Variants in VPS13B observed in about 807,000 individuals in gnomAD.
VPS13B encodes vacuolar protein sorting 13 homolog B.
Under a neutral mutation model 426.4 loss-of-function variants are expected in VPS13B, and 285 were observed. The observed-to-expected ratio is 0.67, with a 90% CI of 0.61 to 0.74. VPS13B has a LOEUF of 0.74. Ranked by LOEUF, VPS13B falls within the 30% of genes least tolerant of loss-of-function variation. The pLI, the probability that VPS13B is intolerant of heterozygous loss-of-function variation, is 0.00. For synonymous variants in VPS13B, 1,676 were observed against 1,676.4 expected (o/e 1.00, Z 0.01); for missense variants, 4,537 against 4,782.6 (o/e 0.95, Z 1.51).
intron 21 of VPS13B, among the ~76,000 whole-genome samples, chr8:99,414,746 C>G (rs1199573632): frequency 6.6e-6 from 1 of 152,074 alleles, no homozygotes; most frequent in African/African-American, 2.4e-5. Flanking sequence ...AATATTGGCC[C>G]CCATTCTCTT....
rs1334836028 is a variant in VPS13B, at chr8:99,456,329, C to T, written c.3446-11085C>T. 5.9e-5 allele frequency among the ~76,000 whole-genome samples: 9 copies of T among 152,072 alleles called. No homozygotes were observed. The South Asian group carries it at 1.9e-3, about 32-fold the overall frequency. On this transcript the variant is annotated intron_variant, in intron 23 of 61. Coordinates refer to ENST00000357162, the MANE Select transcript of VPS13B (RefSeq NM_152564.5). ...GATTACAGGCGTGCACCACTATGCC[C>T]AGCTAATTTTTGTATTTTTATTAGA...
At chr8:99,173,123 A>G (rs896800306) in intron 16 of VPS13B, among the ~76,000 whole-genome samples, 3 of 152,186 alleles carry the variant, frequency 2.0e-5, no homozygotes, top group African/African-American at 7.2e-5. Flanking sequence ...TACTTAGCAC[A>G]GTGCCAATTG....
chr8:99,144,337 A>T (rs963918037), intron 13 of VPS13B, among the ~76,000 whole-genome samples: 1 of 144,984 alleles, frequency 6.9e-6, no homozygotes, highest in East Asian at 2.0e-4. Flanking sequence ...ACAAAAGATT[A>T]AAAAAAAAAA....
At position 99,835,107 on chromosome 8, in the gene VPS13B, T is replaced by C. The variant is rs554487201; in HGVS notation, c.9615-90T>C. 20 of 1,550,854 alleles carry C rather than the reference T, an allele frequency of 1.3e-5. No individual in the cohort carries two copies. The African/African-American group carries it at 2.7e-4, about 21-fold the overall frequency. ...AAAACAGATATTTTCGAGTTCTGAA[T>C]GTTGCAAATCTAAATAAACATGTTC... On this transcript the variant is annotated intron_variant, in intron 52 of 61. Transcript: ENST00000357162.
At chr8:99,736,025 A>G (rs1363829713) in intron 39 of VPS13B, among the ~76,000 whole-genome samples, 3 of 152,228 alleles carry the variant, frequency 2.0e-5, no homozygotes, top group Non-Finnish European at 4.4e-5. Flanking sequence ...GTTAAGTTCC[A>G]TAGCAGTAGA....
chr8:99,642,371 G>C lies in VPS13B; in HGVS notation c.5781G>C (p.Glu1927Asp). 6.2e-7 allele frequency: 1 copy of C among 1,614,146 alleles called. No individual in the cohort carries two copies. Among genetic ancestry groups the C allele is most frequent in the Non-Finnish European group, 8.5e-7 (1 of 1,180,004 alleles). ...GAGGAACTGGTGACTTACAGCTAGA[G>C]CCTTTTCTGTACTTTATTGTGTCCC... is the stretch of plus-strand genomic sequence containing the variant. ...GRRGTGDLQL[E>D]PFLYFIVSQP... The change falls in exon 34 of 62, where the codon GAG (glutamate) becomes GAC (aspartate). Residue 1927 changes from glutamate (E) to aspartate (D), a missense_variant. Coordinates refer to ENST00000357162, the MANE Select transcript of VPS13B (RefSeq NM_152564.5).
intron 3 of VPS13B, among the ~76,000 whole-genome samples, chr8:99,057,331 C>A (rs1051733813): frequency 1.3e-5 from 2 of 152,100 alleles, no homozygotes; most frequent in African/African-American, 2.4e-5. Context: ...TTAAAAAATC[C>A]AGTGTATTCT....
chr8:99,594,373 T>G (rs1295225903), intron 33 of VPS13B, among the ~76,000 whole-genome samples: 1 of 151,968 alleles, frequency 6.6e-6, no homozygotes, highest in Non-Finnish European at 1.5e-5. Flanking sequence ...ATGGGGTTGT[T>G]GTAGAGATTA....
At chr8:99,367,059 T>C (rs185248859) in intron 19 of VPS13B, among the ~76,000 whole-genome samples, 42 of 152,348 alleles carry the variant, frequency 2.8e-4, no homozygotes, top group Non-Finnish European at 4.6e-4. Context: ...CATTACAGTA[T>C]TCTGTGTTTT....
intron 39 of VPS13B, among the ~76,000 whole-genome samples, chr8:99,749,107 G>C (rs1025438277): frequency 3.3e-5 from 5 of 151,662 alleles, no homozygotes; most frequent in African/African-American, 1.2e-4. Context: ...TTAATTTTTT[G>C]GGTACATAGT....
At chr8:99,135,487 T>C in intron 10 of VPS13B, 109 bp from the exon 11 acceptor site, 1 of 1,382,414 alleles carries the variant, frequency 7.2e-7, no homozygotes, top group African/African-American at 1.5e-5. Context: ...TCTTTCTGTT[T>C]TAGTGATTTC....
At chr8:99,401,737 G>A (rs1032994075) in intron 21 of VPS13B, among the ~76,000 whole-genome samples, 121 of 152,230 alleles carry the variant, frequency 7.9e-4, no homozygotes, top group African/African-American at 2.6e-3. Flanking sequence ...GTGGTGACGC[G>A]TGCCTGCAGT....
chr8:99,840,929 C>T (rs1248470144), intron 54 of VPS13B, among the ~76,000 whole-genome samples: 1 of 152,214 alleles, frequency 6.6e-6, no homozygotes, highest in Admixed American at 6.5e-5. Flanking sequence ...CTTCGCTCAC[C>T]TTCCCAGTAC....
At chr8:99,406,264 C>A (rs1309716167) in intron 21 of VPS13B, among the ~76,000 whole-genome samples, 2 of 151,312 alleles carry the variant, frequency 1.3e-5, no homozygotes, top group Admixed American at 6.6e-5. Context: ...GAATATATCT[C>A]AAGGGCTATA....
intron 35 of VPS13B, among the ~76,000 whole-genome samples, chr8:99,680,242 G>A (rs1831105038): frequency 6.6e-6 from 1 of 152,140 alleles, no homozygotes; most frequent in South Asian, 2.1e-4. Flanking sequence ...AATGGGTCAA[G>A]TAAAGTTGGA....
At chr8:99,400,951 C>A in intron 21 of VPS13B, among the ~76,000 whole-genome samples, 1 of 152,092 alleles carries the variant, frequency 6.6e-6, no homozygotes, top group Non-Finnish European at 1.5e-5. Context: ...GTATTACAGG[C>A]GTTAGCCATT....
At chr8:99,410,805 C>G (rs1456420354) in intron 21 of VPS13B, among the ~76,000 whole-genome samples, 1 of 152,026 alleles carries the variant, frequency 6.6e-6, no homozygotes, top group Non-Finnish European at 1.5e-5. Flanking sequence ...CAAGTGAGAT[C>G]ATGTGGTGTT....
At chr8:99,664,817 C>T (rs1485159352) in intron 35 of VPS13B, among the ~76,000 whole-genome samples, 1 of 152,172 alleles carries the variant, frequency 6.6e-6, no homozygotes, top group Non-Finnish European at 1.5e-5. Flanking sequence ...ATTTATAATC[C>T]TTTGGGTATA....
intron 60 of VPS13B, chr8:99,871,209 G>A: frequency 1.6e-6 from 1 of 635,756 alleles, no homozygotes. Flanking sequence ...TATTTCTAAT[G>A]GGGAGAAAAG....
Sources: gnomAD v4.1 joint callset for allele counts (sites outside exome capture counted in the v4.1 genomes callset) on GRCh38, gnomAD v4.1.1 for gene constraint, MANE v1.5 for transcripts, NCBI Gene and HGNC (gene_info 2026-07-23, HGNC 2026-07-21) for gene names.